PLCB4: variants seen among roughly 807,000 people sequenced by gnomAD.
PLCB4 encodes phospholipase C beta 4, also known as 1-phosphatidylinositol 4,5-bisphosphate phosphodiesterase beta-4.
PLCB4 carries 77 observed loss-of-function variants against 178.8 expected under a neutral mutation model. The observed-to-expected ratio is 0.43, with a 90% CI of 0.36 to 0.52. PLCB4 has a LOEUF of 0.52. PLCB4 is among the 20% of genes least tolerant of loss of function. PLCB4 has a pLI of 0.00. For synonymous variants in PLCB4, 496 were observed against 490.8 expected (o/e 1.01, Z -0.14); for missense variants, 1,024 against 1,453.4 (o/e 0.70, Z 4.80).
intron 9 of PLCB4, among the ~76,000 whole-genome samples, chr20:9,367,805 A>G (rs985318128): frequency 3.9e-5 from 6 of 152,228 alleles, no homozygotes; most frequent in Admixed American, 1.3e-4. Context: ...TTTATCTAAC[A>G]TGTTCACATA....
chr20:9,125,531 G>A (rs1600579139), intron 2 of PLCB4, among the ~76,000 whole-genome samples: 1 of 151,976 alleles, frequency 6.6e-6, no homozygotes, highest in African/African-American at 2.4e-5. Flanking sequence ...CTCGTAATGA[G>A]GGATATTCCT....
chr20:9,243,114 A>G (rs1435179642), intron 3 of PLCB4, among the ~76,000 whole-genome samples: 1 of 152,224 alleles, frequency 6.6e-6, no homozygotes, highest in African/African-American at 2.4e-5. Flanking sequence ...TTGATCTGAG[A>G]ACCAAACATA....
chr20:9,323,860 A>G (rs565016236), intron 4 of PLCB4, among the ~76,000 whole-genome samples: 2 of 152,250 alleles, frequency 1.3e-5, no homozygotes, highest in African/African-American at 2.4e-5. Context: ...CAATCCAGCA[A>G]TGTTCTCAGC....
At chr20:9,229,345 G>C (rs556202781) in intron 3 of PLCB4, among the ~76,000 whole-genome samples, 1 of 152,104 alleles carries the variant, frequency 6.6e-6, no homozygotes, top group African/African-American at 2.4e-5. Context: ...AGTGTGAGTA[G>C]TTGTCATTTT....
intron 2 of PLCB4, among the ~76,000 whole-genome samples, chr20:9,109,034 A>C (rs1269722868): frequency 6.6e-6 from 1 of 152,182 alleles, no homozygotes; most frequent in East Asian, 1.9e-4. Context: ...CACCAAAAAA[A>C]AGTGTTAGCT....
intron 2 of PLCB4, among the ~76,000 whole-genome samples, chr20:9,153,577 C>CT (rs972491222): frequency 2.0e-5 from 3 of 152,190 alleles, no homozygotes; most frequent in East Asian, 1.9e-4. Context: ...CCAATTAAAC[C>CT]TTTTTTTCTT....
intron 2 of PLCB4, among the ~76,000 whole-genome samples, chr20:9,104,983 T>A (rs1190210964): frequency 6.6e-6 from 1 of 152,084 alleles, no homozygotes; most frequent in Non-Finnish European, 1.5e-5. Flanking sequence ...TATTTTTAAA[T>A]ATAATATTAA....
chr20:9,385,420 T>A (rs2037510185), intron 14 of PLCB4, among the ~76,000 whole-genome samples: 1 of 150,606 alleles, frequency 6.6e-6, no homozygotes, highest in Admixed American at 6.6e-5. Flanking sequence ...GCTCCCCACC[T>A]CCCAGACGGG....
At chr20:9,191,196 G>C (rs894727701) in intron 2 of PLCB4, among the ~76,000 whole-genome samples, 7 of 152,066 alleles carry the variant, frequency 4.6e-5, no homozygotes, top group Admixed American at 2.6e-4. Flanking sequence ...GAATATCAGG[G>C]CTATGGTTTG....
At chr20:9,306,956 C>A (rs1227366323) in intron 3 of PLCB4, among the ~76,000 whole-genome samples, 8 of 152,092 alleles carry the variant, frequency 5.3e-5, no homozygotes, top group African/African-American at 1.4e-4. Flanking sequence ...TTCAAGCTCA[C>A]AGGCAATTTA....
intron 2 of PLCB4, among the ~76,000 whole-genome samples, chr20:9,184,982 G>A: frequency 6.6e-6 from 1 of 152,192 alleles, no homozygotes; most frequent in Non-Finnish European, 1.5e-5. Context: ...GAGTGCAGTG[G>A]CACAATCATA....
intron 1 of PLCB4, among the ~76,000 whole-genome samples, chr20:9,070,192 C>G (rs1229760550): frequency 2.0e-5 from 3 of 152,098 alleles, no homozygotes; most frequent in Non-Finnish European, 4.4e-5. Flanking sequence ...AAAGAGAAAT[C>G]AGATTTATAA....
At chr20:9,449,722 C>T (rs2042637174) in intron 32 of PLCB4, among the ~76,000 whole-genome samples, 1 of 152,168 alleles carries the variant, frequency 6.6e-6, no homozygotes, top group Non-Finnish European at 1.5e-5. Context: ...GCCTACTAAA[C>T]TCTGGCATTT....
intron 2 of PLCB4, among the ~76,000 whole-genome samples, chr20:9,106,899 T>G (rs2091385279): frequency 6.6e-6 from 1 of 152,162 alleles, no homozygotes; most frequent in South Asian, 2.1e-4. Flanking sequence ...AACCTAAATA[T>G]CCTCCAGTAG....
At chr20:9,189,953 A>G (rs1170289639) in intron 2 of PLCB4, among the ~76,000 whole-genome samples, 3 of 152,172 alleles carry the variant, frequency 2.0e-5, no homozygotes, top group African/African-American at 7.2e-5. Context: ...TTTAAACCAT[A>G]GAGCACACCT....
chr20:9,132,548 A>G (rs964810012), intron 2 of PLCB4, among the ~76,000 whole-genome samples: 1 of 152,202 alleles, frequency 6.6e-6, no homozygotes, highest in African/African-American at 2.4e-5. Flanking sequence ...ATGAAAAACT[A>G]TACTTGATTC....
At chr20:9,178,983 T>G (rs2093200935) in intron 2 of PLCB4, among the ~76,000 whole-genome samples, 1 of 152,224 alleles carries the variant, frequency 6.6e-6, no homozygotes, top group African/African-American at 2.4e-5. Context: ...TTGTCAACAT[T>G]TAGAACATTC....
intron 1 of PLCB4, among the ~76,000 whole-genome samples, chr20:9,081,423 A>G (rs1478776748): frequency 1.3e-5 from 2 of 152,214 alleles, no homozygotes; most frequent in African/African-American, 2.4e-5. Flanking sequence ...ATCCAAGAAC[A>G]TAAAGCCTGC....
At chr20:9,200,346 A>G (rs888084580) in intron 2 of PLCB4, among the ~76,000 whole-genome samples, 1 of 152,144 alleles carries the variant, frequency 6.6e-6, no homozygotes, top group Non-Finnish European at 1.5e-5. Context: ...ACTGAATCCA[A>G]CAGCATTTCC....
Sources: gnomAD v4.1 joint callset for allele counts (sites outside exome capture counted in the v4.1 genomes callset) on GRCh38, gnomAD v4.1.1 for gene constraint, MANE v1.5 for transcripts, NCBI Gene and HGNC (gene_info 2026-07-23, HGNC 2026-07-21) for gene names.